Variants in CTNND2 observed in about 807,000 individuals in gnomAD.
CTNND2 encodes the protein catenin delta 2.
CTNND2 carries 22 observed loss-of-function variants against 144.4 expected under a neutral mutation model. That is an observed-to-expected ratio of 0.15 (90% CI 0.11 to 0.22). The LOEUF is 0.22. Ranked by LOEUF, CTNND2 falls within the 10% of genes least tolerant of loss-of-function variation. CTNND2 has a pLI of 1.00. For synonymous variants in CTNND2, 751 were observed against 695.6 expected (o/e 1.08, Z -1.25); for missense variants, 1,353 against 1,618.8 (o/e 0.84, Z 2.82).
intron 3 of CTNND2, among the ~76,000 whole-genome samples, chr5:11,507,332 C>A (rs1177607031): frequency 1.3e-5 from 2 of 152,178 alleles, no homozygotes; most frequent in African/African-American, 4.8e-5. Flanking sequence ...AAAAATACCA[C>A]CACACATGAT....
At chr5:11,782,713 C>A (rs937889299) in intron 1 of CTNND2, among the ~76,000 whole-genome samples, 2 of 152,212 alleles carry the variant, frequency 1.3e-5, no homozygotes, top group Admixed American at 6.5e-5. Flanking sequence ...TCTGGGTTCA[C>A]TGTGAAACGC....
intron 1 of CTNND2, among the ~76,000 whole-genome samples, chr5:11,882,413 C>G (rs909409447): frequency 6.6e-6 from 1 of 151,960 alleles, no homozygotes; most frequent in African/African-American, 2.4e-5. Context: ...TGCTGAGAGA[C>G]AGGGTTCTAG....
chr5:11,265,208 T>C (rs946242722), intron 9 of CTNND2, among the ~76,000 whole-genome samples: 2 of 152,234 alleles, frequency 1.3e-5, no homozygotes, highest in East Asian at 3.9e-4. Flanking sequence ...TTCAGGAAAT[T>C]AAAATTCAGA....
chr5:11,874,294 C>G (rs1735382550), intron 1 of CTNND2, among the ~76,000 whole-genome samples: 1 of 152,140 alleles, frequency 6.6e-6, no homozygotes, highest in Non-Finnish European at 1.5e-5. Flanking sequence ...AGATAGCAGT[C>G]TGAGGGGAAT....
chr5:11,042,685 T>A (rs1017198861), intron 16 of CTNND2, among the ~76,000 whole-genome samples: 2 of 152,160 alleles, frequency 1.3e-5, no homozygotes, highest in Admixed American at 1.3e-4. Flanking sequence ...TACCGGGAAG[T>A]CTTTGGTGGC....
At chr5:11,432,858 GA>G (rs1241779732) in intron 3 of CTNND2, among the ~76,000 whole-genome samples, 2 of 152,082 alleles carry the variant, frequency 1.3e-5, no homozygotes, top group African/African-American at 2.4e-5. Context: ...TTTTATAGGG[GA>G]AAAAATCTGT....
rs1231809516 is a variant in CTNND2 at position 11,385,162 on chromosome 5, C to A, written c.680G>T (p.Arg227Leu). The A allele has an allele frequency of 3.9e-6, 4 of 1,013,296 alleles. No individual in the cohort carries two copies. The East Asian group carries it at 2.9e-4, about 74-fold the overall frequency. 62.8% of individuals were successfully genotyped at this position (1,013,296 alleles called of 1,614,324 possible). ...EPAPPPPPPP[R>L]EPFAPSLGSA... ...GCCCAGGCTGGGCGCGAACGGCTCC[C>A]GCGGCGGCGGCGGCGGCGGCGGCGC... The change falls in exon 7 of 22, where the codon CGG becomes CTG. Residue 227 changes from arginine (R) to leucine (L), a missense_variant. By Grantham distance (102) the Arg-to-Leu change is moderately radical. Coordinates refer to ENST00000304623, the MANE Select transcript of CTNND2 (RefSeq NM_001332.4).
intron 2 of CTNND2, among the ~76,000 whole-genome samples, chr5:11,568,655 C>T (rs1316348688): frequency 6.6e-6 from 1 of 152,194 alleles, no homozygotes; most frequent in Non-Finnish European, 1.5e-5. Flanking sequence ...GAAGACACAG[C>T]ATTTTCACAA....
intron 3 of CTNND2, among the ~76,000 whole-genome samples, chr5:11,549,692 T>TA (rs1156337456): frequency 6.6e-6 from 1 of 152,214 alleles, no homozygotes; most frequent in Admixed American, 6.5e-5. Flanking sequence ...GGTAGTAGAA[T>TA]ATAGACCCCA....
At chr5:11,520,149 G>GAAA (rs35979486) in intron 3 of CTNND2, among the ~76,000 whole-genome samples, 1 of 123,432 alleles carries the variant, frequency 8.1e-6, no homozygotes, top group Non-Finnish European at 1.7e-5. Context: ...CTCTGTCTTG[G>GAAA]AAAAAAAAAA....
At chr5:11,286,369 CAT>C (rs897803617) in intron 9 of CTNND2, among the ~76,000 whole-genome samples, 9 of 152,304 alleles carry the variant, frequency 5.9e-5, no homozygotes, top group African/African-American at 1.4e-4. Flanking sequence ...AAATACTTCA[CAT>C]GTCTTAAGTT....
chr5:11,421,361 A>G (rs1262259364), intron 3 of CTNND2, among the ~76,000 whole-genome samples: 1 of 152,048 alleles, frequency 6.6e-6, no homozygotes, highest in Admixed American at 6.5e-5. Flanking sequence ...CCTGTCACAC[A>G]CCTGCTTCTT....
chr5:11,345,786 G>A (rs32123), intron 9 of CTNND2, among the ~76,000 whole-genome samples: 104,609 of 151,164 alleles, frequency 0.69, 36,694 homozygotes, highest in Middle Eastern at 0.8. Context: ...AAGAAAGAAA[G>A]AAAAAACAGC....
In CTNND2 at chr5:11,384,562, G is replaced by T; in HGVS notation, c.1177+103C>A. On this transcript the variant is annotated intron_variant, in intron 7 of 21. Coordinates refer to ENST00000304623, the MANE Select transcript of CTNND2 (RefSeq NM_001332.4). The surrounding 1 kb of genome is among the most constrained non-coding windows in gnomAD (Gnocchi z 5.2). ...TGTCTCCTGCAACTACTACAACCTGGCAGACAGCGCGCCCGGCTTCGCTTC... is the reference window on the plus strand; with the variant it reads ...TGTCTCCTGCAACTACTACAACCTGTCAGACAGCGCGCCCGGCTTCGCTTC... 1 of 1,077,626 alleles carries T rather than the reference G, an allele frequency of 9.3e-7. No homozygotes were observed. The highest frequency in any genetic ancestry group is 1.3e-6 in the Non-Finnish European group (1 of 767,608). 66.8% of individuals were successfully genotyped at this position (1,077,626 alleles called of 1,614,324 possible). A position where few individuals can be genotyped will look rare whatever the true frequency, so the allele number is the denominator to read the frequency against.
At chr5:11,519,353 G>A (rs1581395617) in intron 3 of CTNND2, among the ~76,000 whole-genome samples, 1 of 152,080 alleles carries the variant, frequency 6.6e-6, no homozygotes, top group Non-Finnish European at 1.5e-5. Flanking sequence ...AGTCAATAAT[G>A]GCTTCCATGT....
intron 18 of CTNND2, among the ~76,000 whole-genome samples, chr5:11,010,632 C>G (rs78768106): frequency 6.6e-6 from 1 of 152,260 alleles, no homozygotes; most frequent in African/African-American, 2.4e-5. Context: ...GCTGTATTCA[C>G]TCCTTCATCC....
intron 16 of CTNND2, among the ~76,000 whole-genome samples, chr5:11,043,898 A>G (rs1242580755): frequency 2.0e-5 from 3 of 152,226 alleles, no homozygotes; most frequent in African/African-American, 7.2e-5. Context: ...AAACCTCAGG[A>G]AAGTGTTCAG....
intron 9 of CTNND2, among the ~76,000 whole-genome samples, chr5:11,317,118 G>A (rs1294227238): frequency 6.6e-6 from 1 of 152,074 alleles, no homozygotes; most frequent in Middle Eastern, 3.2e-3. Context: ...ACCACAATGA[G>A]GTACCATCTC....
At chr5:11,230,073 T>A (rs919613742) in intron 10 of CTNND2, among the ~76,000 whole-genome samples, 1 of 151,684 alleles carries the variant, frequency 6.6e-6, no homozygotes, top group South Asian at 2.1e-4. Flanking sequence ...AAAAGGGACA[T>A]GGATGAAATT....
Sources: gnomAD v4.1 joint callset for allele counts (sites outside exome capture counted in the v4.1 genomes callset) on GRCh38, gnomAD v4.1.1 for gene constraint, Gnocchi (gnomAD v3.1) non-coding constraint, MANE v1.5 for transcripts, NCBI Gene and HGNC (gene_info 2026-07-23, HGNC 2026-07-21) for gene names.